POLR3D: variants seen among roughly 807,000 people sequenced by gnomAD.
POLR3D encodes DNA-directed RNA polymerase III subunit RPC4.
In POLR3D, 42 loss-of-function variants were observed where a neutral mutation model predicts 44.5. That is an observed-to-expected ratio of 0.94 (90% CI 0.74 to 1.22). The LOEUF (loss-of-function observed/expected upper bound fraction) is 1.22. POLR3D is among the 50% of genes most tolerant of loss of function. The probability of loss-of-function intolerance (pLI) is 0.00; values close to 1 mark genes in which losing one functional copy is unlikely to be tolerated. For missense variants in POLR3D, 507 were observed against 505.2 expected, an observed-to-expected ratio of 1.00 and a Z score of -0.03; for synonymous variants, 217 against 198.1, an observed-to-expected ratio of 1.10 and a Z score of -0.80.
In POLR3D at chr8:22,245,498, C is replaced by A. The variant is rs760267114; in HGVS notation, c.49C>A (p.Arg17=). The change falls in exon 2 of 9, where the codon CGA becomes AGA. Residue 17 remains arginine (R), a synonymous_variant. Coordinates refer to ENST00000306433, the MANE Select transcript of POLR3D (RefSeq NM_001722.3). ...AGEPSTPGGP[R]PLLTGARGLI... ...CGAGCCCAGCACGCCGGGAGGGCCC[C>A]GACCTCTCCTGACTGGGGCCCGGGG... 7.7e-7 allele frequency: 1 copy of A among 1,301,318 alleles called. No homozygotes were observed. Among genetic ancestry groups the A allele is most frequent in the East Asian group, 2.8e-5 (1 of 35,222 alleles). The allele number at this position is 1,301,318 out of a possible 1,614,324, so 80.6% of individuals were successfully genotyped here. A position where few individuals can be genotyped will look rare whatever the true frequency, so the allele number is the denominator to read the frequency against.
Position 22,250,062 on chromosome 8 carries a change from G to A in POLR3D, c.922-13G>A, listed in dbSNP as rs764271687. On this transcript the variant is annotated splice_polypyrimidine_tract_variant and intron_variant, in intron 7 of 8. Coordinates refer to ENST00000306433, the MANE Select transcript of POLR3D (RefSeq NM_001722.3). ...CTCCTAGCCCAGTGTCCATCCTCTG[G>A]TTTTCTCCGCAGGAAGCCAAATTGG... 1.2e-6 allele frequency: 2 copies of A among 1,613,826 alleles called. No homozygotes were observed. The highest frequency in any genetic ancestry group is 1.7e-6 in the Non-Finnish European group (2 of 1,179,944).
At chr8:22,250,277 G>A (rs752021433) in intron 8 of POLR3D, 50 bp downstream of exon 8, 2 of 1,611,566 alleles carry the variant, frequency 1.2e-6, no homozygotes, top group Non-Finnish European at 8.5e-7. Flanking sequence ...AGTGAAGGAG[G>A]ATTGAAGAGC....
chr8:22,246,340 C>CTGT (rs1180348147), intron 2 of POLR3D, among the ~76,000 whole-genome samples: 1 of 151,866 alleles, frequency 6.6e-6, no homozygotes, highest in Non-Finnish European at 1.5e-5. Flanking sequence ...GTTGGCCAGG[C>CTGT]TGTTCTTGAA....
rs1830121473 is a variant in POLR3D at position 22,253,438 on chromosome 8, T to C, written c.*2920T>C. The stretch of plus-strand genomic sequence containing the variant: ...GTGTATCCCCTGGCACTGAGCACAC[T>C]TGCCCTTGAGCTGGGGTTTTGTTAG... On this transcript the variant is annotated 3_prime_UTR_variant, in exon 9 of 9. Coordinates refer to ENST00000306433, the MANE Select transcript of POLR3D (RefSeq NM_001722.3). The C allele has an allele frequency of 6.6e-6, 1 of 152,214 alleles. No homozygotes were observed. Among genetic ancestry groups the C allele is most frequent in the Non-Finnish European group, 1.5e-5 (1 of 68,038 alleles). 9.4% of individuals were successfully genotyped at this position (152,214 alleles called of 1,614,324 possible). A position where few individuals can be genotyped will look rare whatever the true frequency, so the allele number is the denominator to read the frequency against.
In POLR3D at chr8:22,250,611, C is replaced by T; in HGVS notation, c.*93C>T. 1 of 1,468,930 alleles carries T rather than the reference C, an allele frequency of 6.8e-7. No individual in the cohort carries two copies. 91.0% of individuals were successfully genotyped at this position (1,468,930 alleles called of 1,614,324 possible). ...GAATCTGTGAGACCCAGAAGGGGCCCACTGAGCCCACTCACTCCAGCCTTT... is the reference window on the plus strand; with the variant it reads ...GAATCTGTGAGACCCAGAAGGGGCCTACTGAGCCCACTCACTCCAGCCTTT... On this transcript the variant is annotated 3_prime_UTR_variant, in exon 9 of 9. Transcript: ENST00000306433.
At chr8:22,246,330 G>C (rs929305196) in intron 2 of POLR3D, among the ~76,000 whole-genome samples, 2 of 150,758 alleles carry the variant, frequency 1.3e-5, no homozygotes, top group African/African-American at 4.9e-5. Flanking sequence ...GTTTTGCCAT[G>C]TTGGCCAGGC....
intron 2 of POLR3D, among the ~76,000 whole-genome samples, chr8:22,247,014 T>C (rs549227899): frequency 6.6e-6 from 1 of 152,328 alleles, no homozygotes; most frequent in East Asian, 1.9e-4. Flanking sequence ...GGTGCCCCCT[T>C]CTATGTGTAA....
rs745693557 is a variant in POLR3D at position 22,250,526 on chromosome 8, AGGT to A, written c.*11_*13del. On this transcript the variant is annotated 3_prime_UTR_variant, in exon 9 of 9. Transcript: ENST00000306433. ...GATCACAAACACCGGTAAAATGAGC[AGGT>A]GGAGGAGGACGGCGCCTGTGCCCAC... 203 of 1,614,016 alleles carry A rather than the reference AGGT, an allele frequency of 1.3e-4. No homozygotes were observed. Among genetic ancestry groups the A allele is most frequent in the Non-Finnish European group, 1.7e-4 (195 of 1,180,012 alleles).
Position 22,248,997 on chromosome 8 carries a change from A to G in POLR3D, c.656-47A>G. 7 of 1,601,932 alleles carry G rather than the reference A, an allele frequency of 4.4e-6. No homozygotes were observed. The South Asian group carries it at 6.7e-5, about 15-fold the overall frequency. On this transcript the variant is annotated intron_variant, in intron 6 of 8. Transcript: ENST00000306433. ...AAAGGGCTGGTAACAGTGAGCTGGT[A>G]TGGAGGGTGGTCACTTGATAGCATT... is the stretch of plus-strand genomic sequence containing the variant.
At chr8:22,249,981 TG>T in intron 7 of POLR3D, 93 bp from the exon 8 acceptor site, 1 of 1,429,230 alleles carries the variant, frequency 7.0e-7, no homozygotes, top group Non-Finnish European at 9.7e-7. Context: ...TTTTGACCTT[TG>T]CTGTGCCTTT....
intron 6 of POLR3D, 50 bp from the exon 7 acceptor site, chr8:22,248,993 TG>T (rs1371430366): frequency 2.5e-6 from 4 of 1,594,456 alleles, no homozygotes; most frequent in Non-Finnish European, 3.4e-6. Flanking sequence ...AACAGTGAGC[TG>T]GTATGGAGGG....
Position 22,248,593 on chromosome 8 carries a change from C to T in POLR3D, c.599C>T (p.Pro200Leu), listed in dbSNP as rs201955057. ...GAAAATGACGAACCAGATGTTAAAC[C>T]TTGGCTGGCTGGCCCCAAGGAAGAG... is the stretch of plus-strand genomic sequence containing the variant. ...KEENDEPDVKPWLAGPKEEDM... is the reference protein window; with the variant it reads ...KEENDEPDVKLWLAGPKEEDM... The change falls in exon 6 of 9, where the codon CCT becomes CTT. Residue 200 changes from proline to leucine, a missense_variant. Pro to Leu is a moderately conservative substitution (Grantham distance 98). Coordinates refer to ENST00000306433, the MANE Select transcript of POLR3D (RefSeq NM_001722.3). 6.2e-7 allele frequency: 1 copy of T among 1,614,114 alleles called. No individual in the cohort carries two copies. Among genetic ancestry groups the T allele is most frequent in the Non-Finnish European group, 8.5e-7 (1 of 1,180,030 alleles).
intron 8 of POLR3D, 34 bp downstream of exon 8, chr8:22,250,261 T>C (rs202147162): frequency 2.3e-5 from 37 of 1,613,100 alleles, no homozygotes; most frequent in Non-Finnish European, 3.1e-5. Context: ...GAGGGACCCT[T>C]TCAGGAGTGA....
At position 22,248,577 on chromosome 8, in the gene POLR3D, G is replaced by C. The variant is rs151288750; in HGVS notation, c.583G>C (p.Glu195Gln). Residue 195 changes from glutamate (E) to glutamine (Q), a missense_variant, in exon 6 of 9, where the codon GAA becomes CAA. Transcript: ENST00000306433. ...SGWLFKEEND[E>Q]PDVKPWLAGP... is the part of the protein sequence containing the mutation. ...ATGGCTTTTTAAGGAAGAAAATGAC[G>C]AACCAGATGTTAAACCTTGGCTGGC... The C allele has an allele frequency of 2.5e-6, 4 of 1,614,120 alleles. No homozygotes were observed. In the Admixed American group the frequency reaches 6.7e-5, roughly 27 times the overall value.
At chr8:22,248,390 C>T in intron 5 of POLR3D, 91 bp from the exon 6 acceptor site, 1 of 1,569,022 alleles carries the variant, frequency 6.4e-7, no homozygotes, top group Non-Finnish European at 8.7e-7. Flanking sequence ...TCCTGGGGAG[C>T]AGCGGAATCT....
chr8:22,248,016 G>A lies in POLR3D; in HGVS notation c.361+8G>A. On this transcript the variant is annotated splice_region_variant and intron_variant, in intron 4 of 8. Transcript: ENST00000306433. ...AAATGATGAAGAAAAAAGGTATAAG[G>A]AAGGAATCAGTGAATTTCAGTTCAG... The A allele has an allele frequency of 1.2e-6, 2 of 1,612,440 alleles. No homozygotes were observed. The highest frequency in any genetic ancestry group is 1.7e-6 in the Non-Finnish European group (2 of 1,178,810).
intron 2 of POLR3D, among the ~76,000 whole-genome samples, chr8:22,246,553 C>A (rs1411527059): frequency 6.6e-6 from 1 of 152,146 alleles, no homozygotes; most frequent in African/African-American, 2.4e-5. Context: ...TCAAGCGATT[C>A]TCCTGCCTCA....
rs139465719 is a variant in POLR3D at position 22,250,167 on chromosome 8, A to G, written c.1014A>G (p.Gln338=). ...KLLIRKSGRV[Q]LLLGKVTLDV... is the part of the protein sequence containing the mutation. ...TCATCCGCAAGTCTGGAAGGGTGCA[A>G]CTCCTCTTGGGCAAGGTGACTCTGG... The change falls in exon 8 of 9, where the codon CAA becomes CAG. Residue 338 remains glutamine, a synonymous_variant. Coordinates refer to ENST00000306433, the MANE Select transcript of POLR3D (RefSeq NM_001722.3). The G allele has an allele frequency of 1.2e-6, 2 of 1,613,516 alleles. No homozygotes were observed. Among genetic ancestry groups the G allele is most frequent in the Non-Finnish European group, 1.7e-6 (2 of 1,179,880 alleles).
rs1180627860 is a variant in POLR3D at position 22,247,922 on chromosome 8, G to A, written c.275G>A (p.Gly92Glu). 4.3e-6 allele frequency: 7 copies of A among 1,614,008 alleles called. No individual in the cohort carries two copies. Among genetic ancestry groups the A allele is most frequent in the South Asian group, 2.2e-5 (2 of 91,084 alleles). Residue 92 changes from glycine (G) to glutamate (E), a missense_variant, in exon 4 of 9, where the codon GGG (glycine) becomes GAG (glutamate). Gly to Glu is a moderately conservative substitution (Grantham distance 98, BLOSUM62 -2). Transcript: ENST00000306433. ...AGGGACAGAGACCGACAACGAGAGGGGCATGGACGAGGGCGAGGCCGTCCA... is the reference window on the plus strand; with the variant it reads ...AGGGACAGAGACCGACAACGAGAGGAGCATGGACGAGGGCGAGGCCGTCCA... The part of the protein sequence containing the change: ...RERDRDRQRE[G>E]HGRGRGRPEV...
Sources: gnomAD v4.1 joint callset for allele counts (sites outside exome capture counted in the v4.1 genomes callset) on GRCh38, gnomAD v4.1.1 for gene constraint, MANE v1.5 for transcripts, NCBI Gene and HGNC (gene_info 2026-07-23, HGNC 2026-07-21) for gene names.